The following FABP7 variants were observed in gnomAD, a reference collection of about 807,000 sequenced individuals.
The protein encoded by FABP7 is fatty acid-binding protein, brain.
In FABP7, 13 loss-of-function variants were observed where a neutral mutation model predicts 14.2. The ratio of observed to expected loss-of-function variants is 0.91; its 90% CI spans 0.59 to 1.45. FABP7 has a LOEUF of 1.45. Among genes scored for constraint, FABP7 ranks in the 40% most tolerant of loss-of-function variants. The pLI is 0.00. For synonymous variants in FABP7, 49 were observed against 51.4 expected (o/e 0.95, Z 0.20); for missense variants, 149 against 157.6 (o/e 0.95, Z 0.29).
At chr6:122,772,249 A>G in the FABP7 span, among the ~76,000 whole-genome samples, 1 of 152,168 alleles carries the variant, frequency 6.6e-6, no homozygotes, top group Non-Finnish European at 1.5e-5. Context: ...ACTTTTTAAT[A>G]ATAAACCCAA....
At chr6:122,765,053 CA>C in the FABP7 span, among the ~76,000 whole-genome samples, 1 of 152,006 alleles carries the variant, frequency 6.6e-6, no homozygotes, top group Admixed American at 6.6e-5. Flanking sequence ...GATTGATTTT[CA>C]AAGAGAAAAA....
chr6:122,777,784 A>G (rs1327211075), upstream of FABP7, among the ~76,000 whole-genome samples: 1 of 151,916 alleles, frequency 6.6e-6, no homozygotes, highest in Non-Finnish European at 1.5e-5. Context: ...TGGAGGTTGC[A>G]GTGGGCTGAG....
chr6:122,773,857 A>G, the FABP7 span, among the ~76,000 whole-genome samples: 1 of 152,118 alleles, frequency 6.6e-6, no homozygotes, highest in Admixed American at 6.5e-5. Context: ...AAAGCAACTT[A>G]TCTTTCTTTC....
At chr6:122,758,105 CT>C in the FABP7 span, among the ~76,000 whole-genome samples, 5,858 of 118,328 alleles carry the variant, frequency 0.05, 289 homozygotes, top group African/African-American at 0.14. Context: ...TATTATCTAG[CT>C]TTTTTTTTTT....
chr6:122,754,728 C>T, the FABP7 span, among the ~76,000 whole-genome samples: 8 of 151,040 alleles, frequency 5.3e-5, no homozygotes, highest in African/African-American at 1.2e-4. Context: ...TCCTCTTTTC[C>T]GTCCCCACTT....
intron 2 of FABP7, 150 bp downstream of exon 2, chr6:122,780,613 T>A: frequency 1.2e-6 from 1 of 810,924 alleles, no homozygotes; most frequent in Non-Finnish European, 2.0e-6. Context: ...TAGTTTAATG[T>A]GCATATGTTA....
At chr6:122,751,612 T>C in the FABP7 span, among the ~76,000 whole-genome samples, 9 of 152,322 alleles carry the variant, frequency 5.9e-5, no homozygotes, top group African/African-American at 2.2e-4. Context: ...GTCAGAGACA[T>C]CTATTTAAAT....
chr6:122,766,508 G>C, the FABP7 span, among the ~76,000 whole-genome samples: 1 of 152,066 alleles, frequency 6.6e-6, no homozygotes, highest in Non-Finnish European at 1.5e-5. Context: ...TGGTAGAGTA[G>C]ATCAAAGACT....
At chr6:122,782,344 C>T in intron 3 of FABP7, 2 of 493,380 alleles carry the variant, frequency 4.1e-6, no homozygotes, top group Non-Finnish European at 5.3e-6. Context: ...CTTCTGCGGG[C>T]CCCCTCCCTT....
At chr6:122,762,464 C>T in the FABP7 span, among the ~76,000 whole-genome samples, 1 of 152,130 alleles carries the variant, frequency 6.6e-6, no homozygotes, top group Non-Finnish European at 1.5e-5. Flanking sequence ...GGAAGCATTC[C>T]CTTTGAAAAC....
the FABP7 span, among the ~76,000 whole-genome samples, chr6:122,772,552 G>A: frequency 6.6e-6 from 1 of 152,068 alleles, no homozygotes; most frequent in African/African-American, 2.4e-5. Context: ...TGAGTAATTA[G>A]GACTACAGGC....
chr6:122,771,231 TA>T, the FABP7 span, among the ~76,000 whole-genome samples: 1 of 152,096 alleles, frequency 6.6e-6, no homozygotes, highest in Non-Finnish European at 1.5e-5. Context: ...GTTCTGGGAG[TA>T]TTCCTGAAAG....
chr6:122,782,096 T>TCGAATG (rs1780803844), intron 3 of FABP7: 1 of 985,292 alleles, frequency 1.0e-6, no homozygotes, highest in South Asian at 4.7e-5. Context: ...AGTTTTTTTC[T>TCGAATG]CGAATGCATA....
At chr6:122,777,191 ATACT>A (rs1215184113), upstream of FABP7, among the ~76,000 whole-genome samples, 3 of 152,228 alleles carry the variant, frequency 2.0e-5, no homozygotes, top group Non-Finnish European at 2.9e-5. Flanking sequence ...TTTTAGAAAA[ATACT>A]TACACATCCT....
the FABP7 span, among the ~76,000 whole-genome samples, chr6:122,773,036 G>A: frequency 6.6e-6 from 1 of 152,050 alleles, no homozygotes; most frequent in South Asian, 2.1e-4. Flanking sequence ...ATCACCTGGT[G>A]GCCATCAAGC....
At chr6:122,768,095 G>A in the FABP7 span, among the ~76,000 whole-genome samples, 18 of 152,112 alleles carry the variant, frequency 1.2e-4, no homozygotes, top group African/African-American at 4.3e-4. Context: ...AGAAATCATA[G>A]ACCATTAAAC....
At chr6:122,771,367 C>T in the FABP7 span, among the ~76,000 whole-genome samples, 1 of 152,052 alleles carries the variant, frequency 6.6e-6, no homozygotes, top group South Asian at 2.1e-4. Context: ...TCAACTGATC[C>T]CAGATTAGTA....
chr6:122,771,711 C>T, the FABP7 span, among the ~76,000 whole-genome samples: 2 of 152,150 alleles, frequency 1.3e-5, no homozygotes, highest in Non-Finnish European at 2.9e-5. Flanking sequence ...GCCTTAATTT[C>T]CTCTTAAACA....
the FABP7 span, among the ~76,000 whole-genome samples, chr6:122,773,341 C>A: frequency 1.3e-5 from 2 of 152,212 alleles, no homozygotes; most frequent in Admixed American, 1.3e-4. Flanking sequence ...AAGGAAAAAT[C>A]CACTGCTGCG....
Sources: allele counts gnomAD v4.1 joint callset (sites outside exome capture counted in the v4.1 genomes callset), GRCh38; gene constraint gnomAD v4.1.1; transcripts MANE v1.5; gene names NCBI Gene and HGNC (gene_info 2026-07-23, HGNC 2026-07-21).